WWTR1: variants seen among roughly 807,000 people sequenced by gnomAD.
The protein encoded by WWTR1 is WW domain containing transcription regulator 1, also known as WW domain-containing transcription regulator protein 1.
In WWTR1, 13 loss-of-function variants were observed where a neutral mutation model predicts 40.1. The observed-to-expected ratio is 0.32, with a 90% CI of 0.21 to 0.52. WWTR1 has a LOEUF of 0.52. WWTR1 is among the 20% of genes least tolerant of loss of function. The pLI is 0.97. For missense variants in WWTR1, 436 were observed against 523.1 expected (o/e 0.83, Z 1.63); for synonymous variants, 230 against 210.1 (o/e 1.09, Z -0.82).
At chr3:149,673,514 G>T (rs1292928896) in intron 1 of WWTR1, among the ~76,000 whole-genome samples, 1 of 152,168 alleles carries the variant, frequency 6.6e-6, no homozygotes, top group East Asian at 1.9e-4. Flanking sequence ...ATGACACTCG[G>T]AAAGGCATGT....
intron 6 of WWTR1, among the ~76,000 whole-genome samples, chr3:149,524,545 T>C (rs1477278233): frequency 1.3e-5 from 2 of 150,728 alleles, no homozygotes; most frequent in Non-Finnish European, 3.0e-5. Flanking sequence ...TGGCAGGGGG[T>C]GGTGGTGGGG....
chr3:149,710,954 T>C (rs1715465159), intron 5 of WWTR1, among the ~76,000 whole-genome samples: 1 of 152,024 alleles, frequency 6.6e-6, no homozygotes, highest in Admixed American at 6.6e-5. Context: ...ACATATGTAG[T>C]AAAGAGTAGA....
intron 3 of WWTR1, among the ~76,000 whole-genome samples, chr3:149,546,079 C>CTCT (rs1440759610): frequency 5.3e-5 from 8 of 152,182 alleles, no homozygotes; most frequent in Admixed American, 3.3e-4. Flanking sequence ...TGGAGAGGAG[C>CTCT]TCTTCCCAAG....
chr3:149,696,702 C>T (rs1189391361), intron 1 of WWTR1, among the ~76,000 whole-genome samples: 1 of 152,196 alleles, frequency 6.6e-6, no homozygotes, highest in Non-Finnish European at 1.5e-5. Context: ...ACTCAGGCTG[C>T]TATGGGTTCT....
chr3:149,650,464 C>T (rs1026020822), intron 2 of WWTR1, among the ~76,000 whole-genome samples: 4 of 152,144 alleles, frequency 2.6e-5, no homozygotes, highest in Non-Finnish European at 5.9e-5. Context: ...CATGGGATCA[C>T]TGTGAGGGTT....
At chr3:149,525,187 T>C (rs1735241634) in intron 6 of WWTR1, among the ~76,000 whole-genome samples, 1 of 152,202 alleles carries the variant, frequency 6.6e-6, no homozygotes, top group Non-Finnish European at 1.5e-5. Flanking sequence ...TGTTGGAACT[T>C]GGAAGTGACA....
intron 2 of WWTR1, among the ~76,000 whole-genome samples, chr3:149,588,967 A>G (rs538800663): frequency 3.3e-5 from 5 of 152,200 alleles, no homozygotes; most frequent in Admixed American, 3.3e-4. Context: ...AATGCAATAG[A>G]AGGAAGGGAT....
rs558926298 is a variant in WWTR1, at chr3:149,551,646, G to A, written c.569-9109C>T. Among the ~76,000 whole-genome samples the A allele has an allele frequency of 2.1e-5, 3 of 145,616 alleles. 1 individual carries two copies. The South Asian group carries it at 6.6e-4, about 32-fold the overall frequency. On this transcript the variant is annotated intron_variant, in intron 3 of 6. Coordinates refer to ENST00000360632, the MANE Select transcript of WWTR1 (RefSeq NM_015472.6). ...TTATCCTGGTTTGCCTGGGACTGAGGGGTTTCCCAGAACACAGGTCACAGT... is the reference window on the plus strand; with the variant it reads ...TTATCCTGGTTTGCCTGGGACTGAGAGGTTTCCCAGAACACAGGTCACAGT...
intron 2 of WWTR1, among the ~76,000 whole-genome samples, chr3:149,664,852 G>A (rs1001270445): frequency 6.6e-6 from 1 of 152,126 alleles, no homozygotes; most frequent in African/African-American, 2.4e-5. Flanking sequence ...GCTTCTCAAA[G>A]TGCTGGGATT....
chr3:149,687,168 AT>A, intron 1 of WWTR1, among the ~76,000 whole-genome samples: 1 of 152,242 alleles, frequency 6.6e-6, no homozygotes, highest in African/African-American at 2.4e-5. Flanking sequence ...ACCTACTGCA[AT>A]TTTAGAGCTT....
intron 1 of WWTR1, among the ~76,000 whole-genome samples, chr3:149,685,524 G>A (rs1714615974): frequency 6.6e-6 from 1 of 152,168 alleles, no homozygotes; most frequent in Admixed American, 6.5e-5. Context: ...AGCTTGATTA[G>A]GTTTCTGGTC....
At chr3:149,594,604 AAAAC>A (rs961774370) in intron 2 of WWTR1, among the ~76,000 whole-genome samples, 17 of 152,100 alleles carry the variant, frequency 1.1e-4, no homozygotes, top group Non-Finnish European at 2.4e-4. Context: ...GTTAAGACGA[AAAAC>A]AAACAAAATG....
intron 2 of WWTR1, among the ~76,000 whole-genome samples, chr3:149,622,100 A>G (rs973036070): frequency 6.6e-6 from 1 of 152,254 alleles, no homozygotes; most frequent in South Asian, 2.1e-4. Flanking sequence ...CATGATTGGT[A>G]ATAACTATTT....
Position 149,648,392 on chromosome 3 carries a change from CT to C in WWTR1, c.431+8483del, listed in dbSNP as rs573110779. Among the ~76,000 whole-genome samples the C allele has an allele frequency of 1.6e-3, 239 of 152,140 alleles. 2 individuals carry two copies. Among genetic ancestry groups the C allele is most frequent in the Middle Eastern group, 6.8e-3 (2 of 294 alleles). On this transcript the variant is annotated intron_variant, in intron 2 of 6. Coordinates refer to ENST00000360632, the MANE Select transcript of WWTR1 (RefSeq NM_015472.6). Reference sequence around the variant, plus strand: ...AAGCAAGACAAACATCGTTCTTCCCCTGATGGAGGTTACAGTGCAGTAAAAA... The same window carrying C: ...AAGCAAGACAAACATCGTTCTTCCCCGATGGAGGTTACAGTGCAGTAAAAA...
intron 2 of WWTR1, among the ~76,000 whole-genome samples, chr3:149,614,261 G>A (rs770343578): frequency 2.0e-5 from 3 of 152,120 alleles, no homozygotes; most frequent in Non-Finnish European, 4.4e-5. Context: ...TGGCAACATC[G>A]TAGCTGTGGA....
intron 1 of WWTR1, 76 bp from the exon 2 acceptor site, chr3:149,657,385 C>A (rs945693620): frequency 2.6e-5 from 38 of 1,446,456 alleles, no homozygotes; most frequent in Non-Finnish European, 2.8e-5. Flanking sequence ...GGTGAGAGGG[C>A]GAGATGGTGG....
At chr3:149,549,861 A>G (rs1004033618) in intron 3 of WWTR1, among the ~76,000 whole-genome samples, 3 of 152,114 alleles carry the variant, frequency 2.0e-5, no homozygotes, top group Admixed American at 1.3e-4. Flanking sequence ...AACAAAAAAC[A>G]AAACAAAACA....
chr3:149,642,772 C>T (rs1292920925), intron 2 of WWTR1, among the ~76,000 whole-genome samples: 1 of 143,216 alleles, frequency 7.0e-6, no homozygotes, highest in Non-Finnish European at 1.5e-5. Flanking sequence ...GAGACTCCGT[C>T]TCAAAAAAAA....
At chr3:149,684,219 G>T (rs764520292) in intron 1 of WWTR1, among the ~76,000 whole-genome samples, 3 of 151,740 alleles carry the variant, frequency 2.0e-5, no homozygotes, top group African/African-American at 7.3e-5. Flanking sequence ...ACAGGGTCTC[G>T]CTATGTTGCC....
Sources: allele counts gnomAD v4.1 joint callset (sites outside exome capture counted in the v4.1 genomes callset), GRCh38; gene constraint gnomAD v4.1.1; transcripts MANE v1.5; gene names NCBI Gene and HGNC (gene_info 2026-07-23, HGNC 2026-07-21).